MPHOSPH9: variants seen among roughly 807,000 people sequenced by gnomAD.
The protein encoded by MPHOSPH9 is M-phase phosphoprotein 9.
A neutral mutation model predicts 145.5 loss-of-function variants in MPHOSPH9; 88 were observed. That is an observed-to-expected ratio of 0.60 (90% CI 0.51 to 0.72). The LOEUF (loss-of-function observed/expected upper bound fraction) is 0.72, where lower values mean the gene tolerates loss of function less well. Ranked by LOEUF, MPHOSPH9 falls within the 30% of genes least tolerant of loss-of-function variation. MPHOSPH9 has a pLI of 0.00. For synonymous variants in MPHOSPH9, 435 were observed against 486.2 expected (o/e 0.89, Z 1.39); for missense variants, 1,238 against 1,386.6 (o/e 0.89, Z 1.70).
Position 123,166,823 on chromosome 12 carries a change from G to A in MPHOSPH9, c.2457-34C>T, listed in dbSNP as rs754121437. The A allele has an allele frequency of 2.5e-6, 4 of 1,598,652 alleles. No homozygotes were observed. In the South Asian group the frequency reaches 3.4e-5, roughly 13 times the overall value. ...ATGAAAACGGTCAGGCATTATAAAG[G>A]TCTGCACTTCATTTCAGACTGCATG... On this transcript the variant is annotated intron_variant, in intron 16 of 23. Transcript: ENST00000606320.
At chr12:123,206,511 G>GAGAAGAGAA (rs1565950068) in intron 8 of MPHOSPH9, among the ~76,000 whole-genome samples, 149 of 87,924 alleles carry the variant, frequency 1.7e-3, no homozygotes, top group African/African-American at 6.2e-3. Context: ...GGAGAGGAGA[G>GAGAAGAGAA]GAGAAGAGAA....
At chr12:123,172,719 C>G (rs1290074622) in intron 16 of MPHOSPH9, among the ~76,000 whole-genome samples, 1 of 152,252 alleles carries the variant, frequency 6.6e-6, no homozygotes. Flanking sequence ...AGGGGCCTCA[C>G]AAAAACAGGT....
At chr12:123,187,313 T>G (rs1228383967) in intron 13 of MPHOSPH9, among the ~76,000 whole-genome samples, 1 of 151,968 alleles carries the variant, frequency 6.6e-6, no homozygotes, top group African/African-American at 2.4e-5. Flanking sequence ...AATACATAAA[T>G]ACTAGAATAT....
At chr12:123,186,227 CAAAAAA>C (rs35294099) in intron 13 of MPHOSPH9, among the ~76,000 whole-genome samples, 1 of 101,328 alleles carries the variant, frequency 9.9e-6, no homozygotes, top group African/African-American at 5.2e-5. Context: ...AACTCCGTCT[CAAAAAA>C]AAAAAAAAAA....
At position 123,230,436 on chromosome 12, in the gene MPHOSPH9, G is replaced by A. The variant is rs970035869; in HGVS notation, c.-72C>T. ...TGGGCTGTTTGAGAAAAATGAATCC[G>A]TGTCATCTTCAGAGGCTTCATCATC... On this transcript the variant is annotated 5_prime_UTR_variant, in exon 2 of 24. In the 5' UTR this introduces an upstream ATG that the reference lacks. Coordinates refer to ENST00000606320, the MANE Select transcript of MPHOSPH9 (RefSeq NM_022782.4). 19 of 851,434 alleles carry A rather than the reference G, an allele frequency of 2.2e-5. 1 individual carries two copies. Among genetic ancestry groups the A allele is most frequent in the Middle Eastern group, 4.5e-4 (2 of 4,416 alleles). 52.7% of individuals were successfully genotyped at this position (851,434 alleles called of 1,614,324 possible).
Position 123,223,437 on chromosome 12 carries a change from T to A in MPHOSPH9, c.259-310A>T, listed in dbSNP as rs561720052. 1.8e-4 allele frequency among the ~76,000 whole-genome samples: 28 copies of A among 152,314 alleles called. No individual in the cohort carries two copies. In the East Asian group the frequency reaches 4.8e-3, roughly 26 times the overall value. On this transcript the variant is annotated intron_variant, in intron 3 of 23. Transcript: ENST00000606320. ...AAGCCTTTCAGCATCTTTCCACTCC[T>A]AAGCTCTCCTTAGACGGCTCTGCAC...
chr12:123,160,485 G>C (rs1364438106), intron 23 of MPHOSPH9: 1 of 319,970 alleles, frequency 3.1e-6, no homozygotes, highest in African/African-American at 2.2e-5. Context: ...CTAACTTAGT[G>C]TAAAATCTGT....
At chr12:123,204,550 T>C (rs1483849191) in intron 8 of MPHOSPH9, among the ~76,000 whole-genome samples, 1 of 151,972 alleles carries the variant, frequency 6.6e-6, no homozygotes, top group African/African-American at 2.4e-5. Flanking sequence ...CAAGTGAAAA[T>C]AAGTCCCTTT....
chr12:123,162,627 G>A (rs2044156734), intron 20 of MPHOSPH9: 1 of 189,444 alleles, frequency 5.3e-6, no homozygotes, highest in Admixed American at 6.1e-5. Flanking sequence ...CTTCGGAGGG[G>A]ACAGATTCTC....
At chr12:123,199,318 AATT>A (rs1278840980) in intron 11 of MPHOSPH9, among the ~76,000 whole-genome samples, 2 of 152,344 alleles carry the variant, frequency 1.3e-5, no homozygotes, top group Non-Finnish European at 2.9e-5. Flanking sequence ...TTGTAAAGTT[AATT>A]ATCACAGATC....
At position 123,194,419 on chromosome 12, in the gene MPHOSPH9, A is replaced by C. The variant is rs1282124966; in HGVS notation, c.2208T>G (p.Ala736=). The C allele has an allele frequency of 2.5e-6, 4 of 1,602,130 alleles. No individual in the cohort carries two copies. The highest frequency in any genetic ancestry group is 3.4e-6 in the Non-Finnish European group (4 of 1,175,728). Residue 736 remains alanine (A), a synonymous_variant, in exon 13 of 24, where the codon GCT becomes GCG. Transcript: ENST00000606320. The part of the protein sequence containing the change: ...NAYKLSDDKE[A]QLKQENKMFQ... Reference sequence around the variant, plus strand: ...ACATTTTGTTCTCTTGTTTTAGTTGAGCTTCTTTATCATCTGAGAGTTTGT... The same window carrying C: ...ACATTTTGTTCTCTTGTTTTAGTTGCGCTTCTTTATCATCTGAGAGTTTGT...
intron 12 of MPHOSPH9, among the ~76,000 whole-genome samples, 178 bp from the exon 13 acceptor site, chr12:123,194,779 C>G (rs1351187527): frequency 2.0e-5 from 3 of 151,882 alleles, no homozygotes; most frequent in Non-Finnish European, 4.4e-5. Context: ...CACCATCACC[C>G]CTGGCTAATT....
chr12:123,241,345 T>G (rs552747521), intron 1 of MPHOSPH9, among the ~76,000 whole-genome samples: 78 of 152,222 alleles, frequency 5.1e-4, no homozygotes, highest in South Asian at 4.1e-4. Context: ...TGTTGTTGTT[T>G]TTTGAGACAG....
At chr12:123,186,387 G>A (rs1211644805) in intron 13 of MPHOSPH9, among the ~76,000 whole-genome samples, 1 of 152,024 alleles carries the variant, frequency 6.6e-6, no homozygotes, top group African/African-American at 2.4e-5. Context: ...TGAAGACAAA[G>A]CAATGCTGTA....
intron 11 of MPHOSPH9, among the ~76,000 whole-genome samples, chr12:123,198,885 G>A (rs2046094272): frequency 6.9e-6 from 1 of 144,062 alleles, no homozygotes; most frequent in Non-Finnish European, 1.5e-5. Context: ...GCATAAAATA[G>A]CTTGATCTTA....
At chr12:123,183,403 T>C (rs1790105) in intron 13 of MPHOSPH9, among the ~76,000 whole-genome samples, 97,842 of 151,258 alleles carry the variant, frequency 0.65, 36,140 homozygotes, top group East Asian at 1. Flanking sequence ...CAAAAATTAG[T>C]CAGGTGTGGT....
rs1297206932 is a variant in MPHOSPH9 at position 123,218,419 on chromosome 12, G to A, written c.953C>T (p.Ser318Phe). 1 of 1,614,024 alleles carries A rather than the reference G, an allele frequency of 6.2e-7. No homozygotes were observed. Residue 318 changes from serine to phenylalanine, a missense_variant, in exon 6 of 24, where the codon TCT becomes TTT. This residue lies in a region of MPHOSPH9 where 837 missense variants were observed against 897.5 expected (regional missense o/e 0.93). Coordinates refer to ENST00000606320, the MANE Select transcript of MPHOSPH9 (RefSeq NM_022782.4). ...RAHVEDGGSR[S>F]KQGNEQSKKT... ...CTTACTTTGCTCATTTCCTTGTTTA[G>A]ATCTTGAACCTCCATCTTCTACATG...
chr12:123,240,085 C>T (rs573646639), intron 1 of MPHOSPH9, among the ~76,000 whole-genome samples: 2 of 151,510 alleles, frequency 1.3e-5, no homozygotes, highest in South Asian at 2.1e-4. Context: ...AGAGCCTCGC[C>T]GGGCAAGGTG....
chr12:123,198,809 CAAAAAAAAAAAA>C lies in MPHOSPH9; in HGVS notation c.1938-487_1938-476del, dbSNP rs35259138. Among the ~76,000 whole-genome samples, 7 of 48,558 alleles carry C rather than the reference CAAAAAAAAAAAA, an allele frequency of 1.4e-4. No individual in the cohort carries two copies. The Admixed American group carries it at 2.4e-3, about 17-fold the overall frequency. 31.9% of individuals were successfully genotyped at this position (48,558 alleles called of 152,430 possible). A position where few individuals can be genotyped will look rare whatever the true frequency, so the allele number is the denominator to read the frequency against. On this transcript the variant is annotated intron_variant, in intron 11 of 23. Coordinates refer to ENST00000606320, the MANE Select transcript of MPHOSPH9 (RefSeq NM_022782.4). ...TGAGTGACAGAGTGAGAACCTGTCTCAAAAAAAAAAAAAAAAAAAAAAAAAGCCTAAAATAAT... is the reference window on the plus strand; with the variant it reads ...TGAGTGACAGAGTGAGAACCTGTCTCAAAAAAAAAAAAAGCCTAAAATAAT...
Sources: gnomAD v4.1 joint callset for allele counts (sites outside exome capture counted in the v4.1 genomes callset) on GRCh38, gnomAD v4.1.1 for gene constraint, gnomAD v4.1.1 regional missense constraint, MANE v1.5 for transcripts, NCBI Gene and HGNC (gene_info 2026-07-23, HGNC 2026-07-21) for gene names.